CDIN1: variants seen among roughly 807,000 people sequenced by gnomAD.
CDIN1 encodes CDAN1-interacting nuclease 1.
In CDIN1, 33 loss-of-function variants were observed where a neutral mutation model predicts 45.3. The observed-to-expected ratio is 0.73, with a 90% CI of 0.55 to 0.97. The LOEUF is 0.97. Among genes scored for constraint, CDIN1 ranks in the 50% least tolerant of loss-of-function variants. The probability of loss-of-function intolerance (pLI) is 0.00; values close to 1 mark genes in which losing one functional copy is unlikely to be tolerated. For synonymous variants in CDIN1, 118 were observed against 124.4 expected, an observed-to-expected ratio of 0.95 and a Z score of 0.34; for missense variants, 303 against 339.4, an observed-to-expected ratio of 0.89 and a Z score of 0.84.
chr15:36,636,140 C>T, intron 1 of CDIN1, among the ~76,000 whole-genome samples: 1 of 151,656 alleles, frequency 6.6e-6, no homozygotes, highest in East Asian at 1.9e-4. Flanking sequence ...TCATAAAAAG[C>T]AAAGTTAAAA....
intron 1 of CDIN1, among the ~76,000 whole-genome samples, chr15:36,631,613 G>A (rs2039683241): frequency 6.6e-6 from 1 of 152,038 alleles, no homozygotes; most frequent in African/African-American, 2.4e-5. Context: ...GGATAATATT[G>A]CATTGAATGG....
At chr15:36,667,424 C>T (rs555746897) in intron 5 of CDIN1, among the ~76,000 whole-genome samples, 4 of 152,214 alleles carry the variant, frequency 2.6e-5, no homozygotes, top group South Asian at 2.1e-4. Context: ...GCACCTAAAA[C>T]GCTTTGTGTG....
chr15:36,739,410 GCAAAACAAAACAAAA>G lies in CDIN1; in HGVS notation c.716+29470_716+29484del, dbSNP rs139738188. Among the ~76,000 whole-genome samples the G allele has an allele frequency of 1.1e-4, 16 of 151,064 alleles. No homozygotes were observed. The Middle Eastern group carries it at 0.01, about 97-fold the overall frequency. ...ATAGAGTGAAAGCCTGTCTCTAAAT[GCAAAACAAAACAAAA>G]CAAAACAAAACAAAACAAAAAACAA... On this transcript the variant is annotated intron_variant, in intron 10 of 10. Coordinates refer to ENST00000566621, the MANE Select transcript of CDIN1 (RefSeq NM_001321759.2).
chr15:36,595,363 T>G (rs541245225), intron 1 of CDIN1, among the ~76,000 whole-genome samples: 1 of 149,272 alleles, frequency 6.7e-6, no homozygotes, highest in South Asian at 2.1e-4. Context: ...ATATAATGTA[T>G]TTTTAAGGTT....
chr15:36,689,097 TA>T (rs2042155216), intron 5 of CDIN1, among the ~76,000 whole-genome samples: 1 of 152,222 alleles, frequency 6.6e-6, no homozygotes, highest in Non-Finnish European at 1.5e-5. Context: ...TTCATTTGAA[TA>T]GTGTTTATTC....
intron 5 of CDIN1, among the ~76,000 whole-genome samples, chr15:36,664,812 C>T (rs2041184830): frequency 6.6e-6 from 1 of 152,216 alleles, no homozygotes; most frequent in Non-Finnish European, 1.5e-5. Context: ...TCCCAAAGTG[C>T]TGGGATTACA....
At chr15:36,664,678 C>G (rs2041173648) in intron 5 of CDIN1, among the ~76,000 whole-genome samples, 1 of 152,048 alleles carries the variant, frequency 6.6e-6, no homozygotes, top group South Asian at 2.1e-4. Context: ...TCCCAAGTAG[C>G]TGGGATTACA....
intron 10 of CDIN1, among the ~76,000 whole-genome samples, chr15:36,750,993 C>G (rs1034224374): frequency 6.6e-6 from 1 of 151,868 alleles, no homozygotes; most frequent in South Asian, 2.1e-4. Flanking sequence ...CTGCCAAAAC[C>G]TCCCCTTTTA....
intron 8 of CDIN1, among the ~76,000 whole-genome samples, chr15:36,701,697 A>G (rs903870757): frequency 1.3e-5 from 2 of 152,144 alleles, no homozygotes; most frequent in African/African-American, 4.8e-5. Flanking sequence ...TTTCCCTGTT[A>G]GTAGATGCTA....
intron 1 of CDIN1, among the ~76,000 whole-genome samples, chr15:36,626,477 G>A (rs995223478): frequency 6.6e-6 from 1 of 152,038 alleles, no homozygotes; most frequent in Non-Finnish European, 1.5e-5. Context: ...GCTTTCCACC[G>A]TAGGGTATCC....
chr15:36,584,362 G>A lies in CDIN1; in HGVS notation c.101+4401G>A, dbSNP rs1484054354. Among the ~76,000 whole-genome samples the A allele has an allele frequency of 2.6e-5, 4 of 152,168 alleles. No individual in the cohort carries two copies. The East Asian group carries it at 5.8e-4, about 22-fold the overall frequency. On this transcript the variant is annotated intron_variant, in intron 1 of 10. Coordinates refer to ENST00000566621, the MANE Select transcript of CDIN1 (RefSeq NM_001321759.2). Reference sequence around the variant, plus strand: ...AGGTGAGAAGATTGCTTAAGCCTGGGAGTTTGAGGCTGCAGTGAGTTAGGA... The same window carrying A: ...AGGTGAGAAGATTGCTTAAGCCTGGAAGTTTGAGGCTGCAGTGAGTTAGGA...
At chr15:36,630,852 A>G (rs1349118173) in intron 1 of CDIN1, among the ~76,000 whole-genome samples, 1 of 152,136 alleles carries the variant, frequency 6.6e-6, no homozygotes, top group Non-Finnish European at 1.5e-5. Context: ...GAAGGGAGAT[A>G]CCAGGCTCTT....
chr15:36,801,892 T>TA (rs2055061989), intron 10 of CDIN1, among the ~76,000 whole-genome samples: 2 of 152,226 alleles, frequency 1.3e-5, no homozygotes, highest in Non-Finnish European at 2.9e-5. Context: ...AGTAGCCAGA[T>TA]AAACTTTTTA....
At chr15:36,730,304 A>T (rs1221760529) in intron 10 of CDIN1, among the ~76,000 whole-genome samples, 1 of 152,176 alleles carries the variant, frequency 6.6e-6, no homozygotes, top group African/African-American at 2.4e-5. Flanking sequence ...TAATAGACAA[A>T]TAGTTTGATA....
intron 10 of CDIN1, among the ~76,000 whole-genome samples, chr15:36,774,155 T>C (rs1020402376): frequency 9.1e-6 from 1 of 109,468 alleles, no homozygotes; most frequent in East Asian, 3.1e-4. Flanking sequence ...TGTGTGTGTG[T>C]GTGTGTGTGC....
chr15:36,670,266 CA>C (rs1253730135), intron 5 of CDIN1, among the ~76,000 whole-genome samples: 1 of 152,022 alleles, frequency 6.6e-6, no homozygotes, highest in Admixed American at 6.6e-5. Context: ...ATAAACTGAG[CA>C]AACATATATC....
At position 36,793,327 on chromosome 15, in the gene CDIN1, A is replaced by G. The variant is rs536304540; in HGVS notation, c.717-14997A>G. On this transcript the variant is annotated intron_variant, in intron 10 of 10. Coordinates refer to ENST00000566621, the MANE Select transcript of CDIN1 (RefSeq NM_001321759.2). ...GGAAGCAGAAGGTATTCCTGGCCCT[A>G]TTCTGCAGTGAGGGTGAGGGGGAGA... Among the ~76,000 whole-genome samples the G allele has an allele frequency of 8.1e-4, 123 of 152,106 alleles. 1 individual carries two copies. The highest frequency in any genetic ancestry group is 1.6e-4 in the Non-Finnish European group (11 of 68,020).
At chr15:36,781,467 T>G (rs1456526226) in intron 10 of CDIN1, among the ~76,000 whole-genome samples, 1 of 152,218 alleles carries the variant, frequency 6.6e-6, no homozygotes, top group Non-Finnish European at 1.5e-5. Flanking sequence ...GGATTTCAGA[T>G]TCTTTTTCCC....
At chr15:36,594,250 G>A (rs529080557) in intron 1 of CDIN1, among the ~76,000 whole-genome samples, 2 of 152,174 alleles carry the variant, frequency 1.3e-5, no homozygotes, top group South Asian at 4.2e-4. Context: ...ATTAAAACAG[G>A]TGAGATGTTT....
Sources: gnomAD v4.1 joint callset for allele counts (sites outside exome capture counted in the v4.1 genomes callset) on GRCh38, gnomAD v4.1.1 for gene constraint, MANE v1.5 for transcripts, NCBI Gene and HGNC (gene_info 2026-07-23, HGNC 2026-07-21) for gene names.